Variants in RIMBP2 observed in about 807,000 individuals in gnomAD.
The protein encoded by RIMBP2 is RIMS binding protein 2, also known as RIMS-binding protein 2.
Under a neutral mutation model 118.6 loss-of-function variants are expected in RIMBP2, and 48 were observed. That is an observed-to-expected ratio of 0.40 (90% confidence interval 0.32 to 0.51). The LOEUF (loss-of-function observed/expected upper bound fraction) is 0.51. Ranked by LOEUF, RIMBP2 falls within the 20% of genes least tolerant of loss-of-function variation. The pLI, the probability that RIMBP2 is intolerant of heterozygous loss-of-function variation, is 0.41. For missense variants in RIMBP2, 1,551 were observed against 1,768.3 expected (o/e 0.88, Z 2.20); for synonymous variants, 762 against 742.9 (o/e 1.03, Z -0.42).
chr12:130,660,368 T>C (rs895132882), intron 1 of RIMBP2: 1 of 37,820 alleles, frequency 2.6e-5, no homozygotes, highest in Non-Finnish European at 8.6e-5. Context: ...TGGAATCTCA[T>C]GGGAATCTCC....
intron 1 of RIMBP2, among the ~76,000 whole-genome samples, chr12:130,654,711 G>A (rs900129698): frequency 5.3e-5 from 8 of 152,198 alleles, no homozygotes; most frequent in Admixed American, 2.0e-4. Flanking sequence ...ACTGAGGCTG[G>A]GTAATTTATA....
At chr12:130,593,049 C>T (rs1319212380) in intron 2 of RIMBP2, among the ~76,000 whole-genome samples, 1 of 152,222 alleles carries the variant, frequency 6.6e-6, no homozygotes, top group African/African-American at 2.4e-5. Context: ...TCGCATCATT[C>T]AGCCTCGGCT....
chr12:130,413,752 CTTCCCTTT>C (rs1294003211), intron 18 of RIMBP2, among the ~76,000 whole-genome samples: 2 of 151,928 alleles, frequency 1.3e-5, no homozygotes, highest in African/African-American at 4.8e-5. Flanking sequence ...ATGCTCCCTT[CTTCCCTTT>C]TTCCCTCCCT....
rs190546583 is a variant in RIMBP2, at chr12:130,447,071, C to A, written c.582-1802G>T. The stretch of plus-strand genomic sequence containing the variant: ...GACACAGAAGCTGGCAGAGTGTTCT[C>A]GGAGGAGGAGGAGGAGGAGGAGGGA... On this transcript the variant is annotated intron_variant, in intron 9 of 22. Coordinates refer to ENST00000690449, the MANE Select transcript of RIMBP2 (RefSeq NM_001393629.1). The surrounding 1 kb of genome is among the most constrained non-coding windows in gnomAD (Gnocchi z 4.4). Among the ~76,000 whole-genome samples the A allele has an allele frequency of 5.3e-5, 8 of 149,700 alleles. No individual in the cohort carries two copies. The highest frequency in any genetic ancestry group is 1.2e-4 in the African/African-American group (5 of 40,094).
At position 130,710,226 on chromosome 12, in the gene RIMBP2, C is replaced by T. The variant is rs1320687068; in HGVS notation, c.-352+5996G>A. On this transcript the variant is annotated intron_variant, in intron 1 of 22. Coordinates refer to ENST00000690449, the MANE Select transcript of RIMBP2 (RefSeq NM_001393629.1). The surrounding 1 kb of genome is among the most constrained non-coding windows in gnomAD (Gnocchi z 4.3). ...CTCTGCCCTCGGGGCCTGAACCTCT[C>T]TCCCAGGTGTCTGCACCTCTGGCTC... Among the ~76,000 whole-genome samples the T allele has an allele frequency of 6.6e-6, 1 of 152,136 alleles. No homozygotes were observed. Among genetic ancestry groups the T allele is most frequent in the Non-Finnish European group, 1.5e-5 (1 of 68,002 alleles).
chr12:130,493,594 C>T (rs1305312664), intron 4 of RIMBP2, among the ~76,000 whole-genome samples: 12 of 152,120 alleles, frequency 7.9e-5, no homozygotes, highest in Admixed American at 7.2e-4. Flanking sequence ...GGATTCCAGG[C>T]GGGAGCCACC....
In RIMBP2 at chr12:130,442,989, T is replaced by C. The variant is rs927321097; in HGVS notation, c.692-329A>G. ...AGGGACAGCAGGGACCACACGACTA[T>C]TGAATGCCCAGCCCTAGAGTGACAG... On this transcript the variant is annotated intron_variant, in intron 10 of 22. Coordinates refer to ENST00000690449, the MANE Select transcript of RIMBP2 (RefSeq NM_001393629.1). This position sits in a 1 kb window ranked among gnomAD's most constrained non-coding sequence, Gnocchi z 6.9. 1.3e-5 allele frequency among the ~76,000 whole-genome samples: 2 copies of C among 152,164 alleles called. No individual in the cohort carries two copies. Among genetic ancestry groups the C allele is most frequent in the African/African-American group, 4.8e-5 (2 of 41,436 alleles).
At chr12:130,548,668 G>A (rs891793927) in intron 2 of RIMBP2, among the ~76,000 whole-genome samples, 1 of 152,020 alleles carries the variant, frequency 6.6e-6, no homozygotes. Context: ...CCACCTCCCG[G>A]GTTCAAGCAA....
intron 22 of RIMBP2, chr12:130,399,026 C>A: frequency 3.5e-6 from 2 of 577,222 alleles, no homozygotes; most frequent in Non-Finnish European, 2.8e-6. Context: ...TTTTTTTAAC[C>A]CCACAATGAA....
chr12:130,414,303 T>G lies in RIMBP2; in HGVS notation c.3242A>C (p.Asp1081Ala). 1 of 1,581,460 alleles carries G rather than the reference T, an allele frequency of 6.3e-7. No homozygotes were observed. The highest frequency in any genetic ancestry group is 1.2e-5 in the South Asian group (1 of 85,782). ...SRPVTVPSIDDYGRDRLSPDF... is the reference protein window; with the variant it reads ...SRPVTVPSIDAYGRDRLSPDF... The stretch of plus-strand genomic sequence containing the variant: ...TGGAGAAAGGCGGTCTCGCCCGTAA[T>G]CGTCTGCGAGCAAGTGGGGGTGAAG... Residue 1081 changes from aspartate (D) to alanine (A), a missense_variant, in exon 18 of 23, where the codon GAT becomes GCT. Physicochemically the swap from Asp to Ala is moderately radical, Grantham distance 126. This residue lies in a region of RIMBP2 where 1,038 missense variants were observed against 1,125.1 expected (regional missense o/e 0.92). Coordinates refer to ENST00000690449, the MANE Select transcript of RIMBP2 (RefSeq NM_001393629.1).
At position 130,424,743 on chromosome 12, in the gene RIMBP2, T is replaced by C; in HGVS notation, c.2528A>G (p.Glu843Gly). 1.6e-6 allele frequency: 2 copies of C among 1,232,228 alleles called. No homozygotes were observed. The highest frequency in any genetic ancestry group is 4.1e-5 in the South Asian group (1 of 24,322). 76.3% of individuals were successfully genotyped at this position (1,232,228 alleles called of 1,614,324 possible). The change falls in exon 16 of 23, where the codon GAG becomes GGG. Residue 843 changes from glutamate to glycine, a missense_variant. Coordinates refer to ENST00000690449, the MANE Select transcript of RIMBP2 (RefSeq NM_001393629.1). This position sits in a 1 kb window ranked among gnomAD's most constrained non-coding sequence, Gnocchi z 9.8. ...CTGCTTGTGTAGCAGCCCACAGCAC[T>C]CTCCGTCCTCTTCCGCTACTTCGGG... is the stretch of plus-strand genomic sequence containing the variant. ...SIPEVAEEDGECCGLLHKQGA... is the reference protein window; with the variant it reads ...SIPEVAEEDGGCCGLLHKQGA...
intron 1 of RIMBP2, among the ~76,000 whole-genome samples, chr12:130,653,610 C>G (rs1181282652): frequency 2.0e-5 from 3 of 152,224 alleles, no homozygotes; most frequent in Non-Finnish European, 4.4e-5. Flanking sequence ...TGTGTGGGAG[C>G]TGCAACCCCA....
chr12:130,535,102 G>A (rs762038922), intron 2 of RIMBP2, among the ~76,000 whole-genome samples: 2 of 152,154 alleles, frequency 1.3e-5, no homozygotes, highest in South Asian at 2.1e-4. Flanking sequence ...ATCGCTGGCC[G>A]GCTCCCTCAG....
Position 130,445,249 on chromosome 12 carries a change from G to T in RIMBP2, c.602C>A (p.Pro201Gln), listed in dbSNP as rs146381205. The T allele has an allele frequency of 1.9e-6, 3 of 1,612,748 alleles. No individual in the cohort carries two copies. The highest frequency in any genetic ancestry group is 2.7e-5 in the African/African-American group (2 of 74,834). ...ARYSYNPFDGPNENPEAELPL... is the reference protein window; with the variant it reads ...ARYSYNPFDGQNENPEAELPL... Reference sequence around the variant, plus strand: ...CAGCTCAGCTTCGGGGTTCTCGTTCGGTCCATCGAAGGGGTTGTAACTGCA... The same window carrying T: ...CAGCTCAGCTTCGGGGTTCTCGTTCTGTCCATCGAAGGGGTTGTAACTGCA... The change falls in exon 10 of 23, where the codon CCG (proline) becomes CAG (glutamine). Residue 201 changes from proline (P) to glutamine (Q), a missense_variant. Physicochemically the swap from Pro to Gln is moderately conservative, Grantham distance 76 (BLOSUM62 -1). Coordinates refer to ENST00000690449, the MANE Select transcript of RIMBP2 (RefSeq NM_001393629.1).
Position 130,646,082 on chromosome 12 carries a change from ACCACTTCCCTCTCCACCTCCCTCT to A in RIMBP2, c.-351-17650_-351-17627del, listed in dbSNP as rs1566421935. Among the ~76,000 whole-genome samples, 112 of 94,292 alleles carry A rather than the reference ACCACTTCCCTCTCCACCTCCCTCT, an allele frequency of 1.2e-3. 5 individuals are homozygous for A. Among genetic ancestry groups the A allele is most frequent in the African/African-American group, 1.4e-3 (34 of 24,732 alleles). 61.9% of individuals were successfully genotyped at this position (94,292 alleles called of 152,430 possible). On this transcript the variant is annotated intron_variant, in intron 1 of 22. Transcript: ENST00000690449. The stretch of plus-strand genomic sequence containing the variant: ...CACCACCTGCCTCTCCACCTCCCTC[ACCACTTCCCTCTCCACCTCCCTCT>A]CCACCTCCCTCACCACCTGCCTCTC...
At position 130,446,468 on chromosome 12, in the gene RIMBP2, C is replaced by T. The variant is rs970759838; in HGVS notation, c.582-1199G>A. ...GAACCAGAGCTGAGACCTCCTGACC[C>T]GTCCTGCGCAGTTTTAACCACACCA... On this transcript the variant is annotated intron_variant, in intron 9 of 22. Coordinates refer to ENST00000690449, the MANE Select transcript of RIMBP2 (RefSeq NM_001393629.1). The surrounding 1 kb of genome is among the most constrained non-coding windows in gnomAD (Gnocchi z 4.1). Among the ~76,000 whole-genome samples, 3 of 152,296 alleles carry T rather than the reference C, an allele frequency of 2.0e-5. No homozygotes were observed. The highest frequency in any genetic ancestry group is 2.1e-4 in the South Asian group (1 of 4,826).
At chr12:130,544,492 C>T (rs551229358) in intron 2 of RIMBP2, among the ~76,000 whole-genome samples, 145 of 152,166 alleles carry the variant, frequency 9.5e-4, no homozygotes, top group African/African-American at 3.3e-3. Context: ...CTGCTTCTCA[C>T]TCCTTTTAGC....
Position 130,442,791 on chromosome 12 carries a change from T to G in RIMBP2, c.692-131A>C. The G allele has an allele frequency of 1.4e-6, 1 of 707,034 alleles. No individual in the cohort carries two copies. The highest frequency in any genetic ancestry group is 2.3e-6 in the Non-Finnish European group (1 of 430,248). The allele number at this position is 707,034 out of a possible 1,614,324, so 43.8% of individuals were successfully genotyped here. On this transcript the variant is annotated intron_variant, in intron 10 of 22. Transcript: ENST00000690449. This position sits in a 1 kb window ranked among gnomAD's most constrained non-coding sequence, Gnocchi z 6.9. Reference sequence around the variant, plus strand: ...GGGTTGCCCTGGGGCTCCTCCGCTGTTCCCAGGAGTCCATGCTGGGGCCAG... The same window carrying G: ...GGGTTGCCCTGGGGCTCCTCCGCTGGTCCCAGGAGTCCATGCTGGGGCCAG...
chr12:130,671,439 T>C (rs1299265332), intron 1 of RIMBP2, among the ~76,000 whole-genome samples: 1 of 152,244 alleles, frequency 6.6e-6, no homozygotes, highest in African/African-American at 2.4e-5. Context: ...TATCTCATTA[T>C]TGACTGTCTG....
Sources: allele counts gnomAD v4.1 joint callset (sites outside exome capture counted in the v4.1 genomes callset), GRCh38; gene constraint gnomAD v4.1.1; regional missense constraint gnomAD v4.1.1; non-coding constraint Gnocchi (gnomAD v3.1); transcripts MANE v1.5; gene names NCBI Gene and HGNC (gene_info 2026-07-23, HGNC 2026-07-21).